The following GRM8 variants were observed in gnomAD, a reference collection of about 807,000 sequenced individuals.
The protein encoded by GRM8 is metabotropic glutamate receptor 8.
Under a neutral mutation model 87.2 loss-of-function variants are expected in GRM8, and 47 were observed. The ratio of observed to expected loss-of-function variants is 0.54; its 90% CI spans 0.43 to 0.69. GRM8 has a LOEUF of 0.69. Among genes scored for constraint, GRM8 ranks in the 30% least tolerant of loss-of-function variants. GRM8 has a pLI of 0.00. For missense variants in GRM8, 1,019 were observed against 1,139.2 expected, an observed-to-expected ratio of 0.89 and a Z score of 1.52; for synonymous variants, 396 against 404.5, an observed-to-expected ratio of 0.98 and a Z score of 0.25.
chr7:127,166,893 G>T (rs1468543774), intron 2 of GRM8, among the ~76,000 whole-genome samples: 3 of 152,084 alleles, frequency 2.0e-5, no homozygotes, highest in Non-Finnish European at 4.4e-5. Context: ...GCCCTCTGGT[G>T]TAACTTATTT....
chr7:126,874,925 C>G (rs948386344), intron 6 of GRM8, among the ~76,000 whole-genome samples: 1 of 152,010 alleles, frequency 6.6e-6, no homozygotes, highest in Non-Finnish European at 1.5e-5. Flanking sequence ...TAAGGTTTTC[C>G]AATTTATAAA....
chr7:126,672,824 A>C (rs1806520986), intron 7 of GRM8, among the ~76,000 whole-genome samples: 1 of 151,972 alleles, frequency 6.6e-6, no homozygotes, highest in Admixed American at 6.5e-5. Context: ...AACTCCAAAC[A>C]CTCCTGTAAC....
intron 7 of GRM8, among the ~76,000 whole-genome samples, chr7:126,710,943 C>T (rs1585620044): frequency 6.6e-6 from 1 of 152,174 alleles, no homozygotes; most frequent in Non-Finnish European, 1.5e-5. Context: ...GAGGCCAAGG[C>T]AGGTGGATCA....
intron 2 of GRM8, among the ~76,000 whole-genome samples, chr7:127,130,836 T>C (rs1827649169): frequency 6.6e-6 from 1 of 152,130 alleles, no homozygotes; most frequent in South Asian, 2.1e-4. Flanking sequence ...ATCTGATGGC[T>C]TTCTCCTGCT....
intron 2 of GRM8, among the ~76,000 whole-genome samples, chr7:127,198,006 G>C (rs932576551): frequency 2.0e-5 from 3 of 151,762 alleles, no homozygotes; most frequent in African/African-American, 7.3e-5. Flanking sequence ...GGACCTTTTG[G>C]TTTATCTAGG....
rs534222489 is a variant in GRM8, at chr7:127,011,616, A to T, written c.727+94880T>A. Among the ~76,000 whole-genome samples the T allele has an allele frequency of 3.2e-4, 49 of 152,288 alleles. 1 individual carries two copies. In the South Asian group the frequency reaches 0.01, roughly 32 times the overall value. ...AATAGTTGTAGTTTTTTAAAATATG[A>T]AAATAGATTGTGATGTTCAACACTT... On this transcript the variant is annotated intron_variant, in intron 3 of 10. Coordinates refer to ENST00000339582, the MANE Select transcript of GRM8 (RefSeq NM_000845.3).
chr7:126,738,205 AAGGAGTTG>A (rs749519737), intron 7 of GRM8, among the ~76,000 whole-genome samples: 5 of 152,064 alleles, frequency 3.3e-5, no homozygotes, highest in Admixed American at 6.6e-5. Flanking sequence ...GTGTTAAGCC[AAGGAGTTG>A]AGGCAGGATG....
At chr7:126,514,120 G>GT (rs1811823449) in intron 9 of GRM8, among the ~76,000 whole-genome samples, 1 of 152,110 alleles carries the variant, frequency 6.6e-6, no homozygotes, top group African/African-American at 2.4e-5. Flanking sequence ...AGGAAAATAA[G>GT]TATCCCAGTG....
chr7:126,952,197 A>G (rs1808234650), intron 3 of GRM8, among the ~76,000 whole-genome samples: 1 of 152,012 alleles, frequency 6.6e-6, no homozygotes, highest in Non-Finnish European at 1.5e-5. Flanking sequence ...ATAAGCTCCT[A>G]ACAGCCAAAG....
At chr7:126,450,657 G>A (rs1471745826) in intron 9 of GRM8, among the ~76,000 whole-genome samples, 1 of 151,416 alleles carries the variant, frequency 6.6e-6, no homozygotes, top group Non-Finnish European at 1.5e-5. Flanking sequence ...GAAGTTTATA[G>A]AGAAACTGGA....
intron 7 of GRM8, among the ~76,000 whole-genome samples, chr7:126,736,435 A>G (rs1189560719): frequency 6.6e-6 from 1 of 152,010 alleles, no homozygotes; most frequent in East Asian, 1.9e-4. Flanking sequence ...TGCTTGATAT[A>G]CTCAGCCCAT....
chr7:126,679,434 T>C (rs1408145143), intron 7 of GRM8, among the ~76,000 whole-genome samples: 1 of 152,206 alleles, frequency 6.6e-6, no homozygotes, highest in Non-Finnish European at 1.5e-5. Context: ...AAGAACTCTA[T>C]AAAGACCTTT....
intron 6 of GRM8, among the ~76,000 whole-genome samples, chr7:126,880,482 A>G (rs1183173865): frequency 6.6e-6 from 1 of 152,188 alleles, no homozygotes; most frequent in East Asian, 1.9e-4. Flanking sequence ...AAGTGCTTCC[A>G]CATAAAGTCC....
At chr7:126,642,718 G>A (rs138169270) in intron 7 of GRM8, among the ~76,000 whole-genome samples, 1,805 of 152,150 alleles carry the variant, frequency 0.012, 33 homozygotes, top group African/African-American at 0.041. Context: ...CACCAAATAC[G>A]ATAGAGATAG....
intron 7 of GRM8, among the ~76,000 whole-genome samples, chr7:126,646,257 GGGAAAGAAGGAAGGAAGGAAGGAA>G (rs1803047309): frequency 1.1e-5 from 1 of 87,148 alleles, no homozygotes; most frequent in Non-Finnish European, 2.3e-5. Flanking sequence ...GAGAGAAGGA[GGGAAAGAAGGAAGGAAGGAAGGAA>G]GGAAGGAAGG....
intron 2 of GRM8, among the ~76,000 whole-genome samples, chr7:127,163,030 T>C (rs1460175113): frequency 2.6e-5 from 4 of 152,058 alleles, no homozygotes. Context: ...TACAGTGTGG[T>C]AAATGCAAGC....
At chr7:126,895,119 C>T (rs191724540) in intron 6 of GRM8, among the ~76,000 whole-genome samples, 3 of 152,086 alleles carry the variant, frequency 2.0e-5, no homozygotes, top group Admixed American at 2.0e-4. Flanking sequence ...GAGAAAAACA[C>T]GCACACACAC....
intron 3 of GRM8, among the ~76,000 whole-genome samples, chr7:126,980,549 T>C (rs564784338): frequency 6.6e-6 from 1 of 152,336 alleles, no homozygotes; most frequent in East Asian, 1.9e-4. Flanking sequence ...CTTGCCTCTG[T>C]CCTTGATTCT....
chr7:126,618,889 G>A (rs908153482), intron 7 of GRM8, among the ~76,000 whole-genome samples: 1 of 152,230 alleles, frequency 6.6e-6, no homozygotes, highest in Non-Finnish European at 1.5e-5. Flanking sequence ...TGATGGAGAG[G>A]ATGTGGAGAA....
Sources: allele counts gnomAD v4.1 joint callset (sites outside exome capture counted in the v4.1 genomes callset), GRCh38; gene constraint gnomAD v4.1.1; transcripts MANE v1.5; gene names NCBI Gene and HGNC (gene_info 2026-07-23, HGNC 2026-07-21).